SLC30A5: variants seen among roughly 807,000 people sequenced by gnomAD.
SLC30A5 encodes solute carrier family 30 member 5.
SLC30A5 carries 33 observed loss-of-function variants against 79.6 expected under a neutral mutation model. The ratio of observed to expected loss-of-function variants is 0.41; its 90% CI spans 0.31 to 0.55. SLC30A5 has a LOEUF of 0.55. Among genes scored for constraint, SLC30A5 ranks in the 20% least tolerant of loss-of-function variants. The pLI is 0.20. For synonymous variants in SLC30A5, 299 were observed against 319.7 expected, an observed-to-expected ratio of 0.94 and a Z score of 0.69; for missense variants, 788 against 928.1, an observed-to-expected ratio of 0.85 and a Z score of 1.96.
intron 1 of SLC30A5, among the ~76,000 whole-genome samples, chr5:69,095,437 T>TG (rs1745698491): frequency 6.6e-6 from 1 of 152,110 alleles, no homozygotes; most frequent in African/African-American, 2.4e-5. Context: ...CCCGACCTCG[T>TG]GATCGGCCTG....
chr5:69,125,049 C>T (rs1034329448), intron 14 of SLC30A5, among the ~76,000 whole-genome samples: 4 of 152,104 alleles, frequency 2.6e-5, no homozygotes, highest in Admixed American at 6.6e-5. Context: ...ATTTGCAGCA[C>T]ATATAAACAG....
intron 3 of SLC30A5, 52 bp from the exon 4 acceptor site, chr5:69,104,579 A>G (rs1746030032): frequency 3.4e-6 from 5 of 1,466,030 alleles, no homozygotes; most frequent in Non-Finnish European, 4.6e-6. Context: ...ATTTGGATAT[A>G]TAGCAAAATA....
chr5:69,127,227 C>A (rs181247646), intron 14 of SLC30A5, among the ~76,000 whole-genome samples: 1 of 152,138 alleles, frequency 6.6e-6, no homozygotes, highest in African/African-American at 2.4e-5. Flanking sequence ...TAAAGGAGAA[C>A]TTGTAGTTCA....
At chr5:69,095,293 C>T (rs183578440) in intron 1 of SLC30A5, among the ~76,000 whole-genome samples, 2 of 149,336 alleles carry the variant, frequency 1.3e-5, no homozygotes, top group Admixed American at 6.8e-5. Context: ...CTCCGCTTCC[C>T]GGGTTCAAAA....
chr5:69,107,824 C>G (rs906040403), intron 4 of SLC30A5, among the ~76,000 whole-genome samples: 1 of 151,984 alleles, frequency 6.6e-6, no homozygotes, highest in Non-Finnish European at 1.5e-5. Flanking sequence ...CCTCCACCTC[C>G]CGAGTTCAAG....
At chr5:69,113,435 A>G (rs952538267) in intron 6 of SLC30A5, among the ~76,000 whole-genome samples, 3 of 152,206 alleles carry the variant, frequency 2.0e-5, no homozygotes, top group African/African-American at 7.2e-5. Flanking sequence ...TATCACCTAC[A>G]GTACCCTAAA....
rs552159059 is a variant in SLC30A5, at chr5:69,105,551, A to G, written c.359+835A>G. 1.3e-4 allele frequency among the ~76,000 whole-genome samples: 20 copies of G among 152,264 alleles called. No individual in the cohort carries two copies. In the East Asian group the frequency reaches 3.1e-3, roughly 23 times the overall value. On this transcript the variant is annotated intron_variant, in intron 4 of 15. Transcript: ENST00000396591. ...CAAAACCCCGCCTTTATTAAAAAAT[A>G]TACAAAAATTAGCCAGAAATCACTT...
In SLC30A5 at chr5:69,121,914, T is replaced by C. The variant is rs543873070; in HGVS notation, c.1771+19T>C. On this transcript the variant is annotated intron_variant, in intron 13 of 15. Coordinates refer to ENST00000396591, the MANE Select transcript of SLC30A5 (RefSeq NM_022902.5). The stretch of plus-strand genomic sequence containing the variant: ...ATGAGGGGTGAGTCCTTGCAAAATA[T>C]TATCCTACTTTTCAACTGTGTTCTA... 1 of 1,593,946 alleles carries C rather than the reference T, an allele frequency of 6.3e-7. No individual in the cohort carries two copies. Among genetic ancestry groups the C allele is most frequent in the African/African-American group, 1.3e-5 (1 of 74,564 alleles).
Position 69,121,852 on chromosome 5 carries a change from C to A in SLC30A5, c.1728C>A (p.His576Gln). ...GACACAGTGACCATGGGCATGGTCACAGCCACGGATCTGCGGGTGGAGGCA... is the reference window on the plus strand; with the variant it reads ...GACACAGTGACCATGGGCATGGTCAAAGCCACGGATCTGCGGGTGGAGGCA... The part of the protein sequence containing the change: ...MHGHSDHGHG[H>Q]SHGSAGGGMN... Residue 576 changes from histidine to glutamine, a missense_variant, in exon 13 of 16, where the codon CAC becomes CAA. Transcript: ENST00000396591. The A allele has an allele frequency of 6.2e-7, 1 of 1,613,824 alleles. No individual in the cohort carries two copies. The highest frequency in any genetic ancestry group is 8.5e-7 in the Non-Finnish European group (1 of 1,179,918).
intron 13 of SLC30A5, among the ~76,000 whole-genome samples, 195 bp from the exon 14 acceptor site, chr5:69,123,004 G>A (rs1339029467): frequency 2.0e-5 from 3 of 152,146 alleles, no homozygotes; most frequent in South Asian, 2.1e-4. Flanking sequence ...TGTCATGAGT[G>A]CCTATGTCCT....
At chr5:69,102,859 C>CA (rs35509140) in intron 2 of SLC30A5, 9,815 of 133,740 alleles carry the variant, frequency 0.073, 19 homozygotes, top group Middle Eastern at 0.12. Flanking sequence ...GACTCCATCT[C>CA]AAAAAAAAAA....
At chr5:69,121,951 T>C in intron 13 of SLC30A5, 56 bp downstream of exon 13, 1 of 1,382,436 alleles carries the variant, frequency 7.2e-7, no homozygotes, top group South Asian at 1.3e-5. Context: ...ATCAACCCTC[T>C]GTGTTTATTT....
chr5:69,117,831 C>T (rs563362001), intron 11 of SLC30A5, among the ~76,000 whole-genome samples: 20 of 149,068 alleles, frequency 1.3e-4, no homozygotes, highest in South Asian at 6.4e-4. Context: ...GAGCCAAGAT[C>T]GTGCCACTGC....
rs752521696 is a variant in SLC30A5 at position 69,124,232 on chromosome 5, C to CA, written c.1998+818dup. On this transcript the variant is annotated intron_variant, in intron 14 of 15. Coordinates refer to ENST00000396591, the MANE Select transcript of SLC30A5 (RefSeq NM_022902.5). Reference sequence around the variant, plus strand: ...ACCTGGGATTGTTTCCTGGACAGCACAAAAAAAAAAATAGTAACAATAATA... The same window carrying CA: ...ACCTGGGATTGTTTCCTGGACAGCACAAAAAAAAAAAATAGTAACAATAATA... 2.3e-3 allele frequency among the ~76,000 whole-genome samples: 231 copies of CA among 101,610 alleles called. 1 individual carries two copies. Among genetic ancestry groups the CA allele is most frequent in the East Asian group, 7.9e-3 (28 of 3,564 alleles). The allele number at this position is 101,610 out of a possible 152,430, so 66.7% of individuals were successfully genotyped here. A position where few individuals can be genotyped will look rare whatever the true frequency, so the allele number is the denominator to read the frequency against.
intron 10 of SLC30A5, 152 bp from the exon 11 acceptor site, chr5:69,117,087 G>T: frequency 1.8e-6 from 1 of 548,982 alleles, no homozygotes; most frequent in Non-Finnish European, 3.1e-6. Context: ...TTTACAATTT[G>T]TGTGAAATAG....
Position 69,097,116 on chromosome 5 carries a change from T to C in SLC30A5, c.83+2778T>C, listed in dbSNP as rs1488339063. Among the ~76,000 whole-genome samples the C allele has an allele frequency of 2.4e-4, 22 of 90,932 alleles. No individual in the cohort carries two copies. In the East Asian group the frequency reaches 7.5e-3, roughly 31 times the overall value. 59.7% of individuals were successfully genotyped at this position (90,932 alleles called of 152,430 possible). ...TTCCCTTCCTCTCTTTTTCTTTTTT[T>C]TTTTTTTTTTTTTTTTTGAGGCGGA... On this transcript the variant is annotated intron_variant, in intron 1 of 15. Coordinates refer to ENST00000396591, the MANE Select transcript of SLC30A5 (RefSeq NM_022902.5).
intron 5 of SLC30A5, among the ~76,000 whole-genome samples, chr5:69,111,301 C>CT (rs1278967720): frequency 9.0e-6 from 1 of 111,010 alleles, no homozygotes; most frequent in Admixed American, 9.5e-5. Flanking sequence ...CTTTTTTTTT[C>CT]TTTTTCTTTT....
intron 1 of SLC30A5, among the ~76,000 whole-genome samples, chr5:69,100,107 T>A (rs1228280180): frequency 6.6e-6 from 1 of 152,104 alleles, no homozygotes; most frequent in Non-Finnish European, 1.5e-5. Flanking sequence ...TGGCTGGAAT[T>A]ACAGGCACCC....
rs769820055 is a variant in SLC30A5 at position 69,129,559 on chromosome 5, C to T, written c.2240C>T (p.Ala747Val). Reference sequence around the variant, plus strand: ...AGTACTGGATTTCATGATGTTCTGGCTATGACAAAACAAATGGAATCCATG... The same window carrying T: ...AGTACTGGATTTCATGATGTTCTGGTTATGACAAAACAAATGGAATCCATG... ...GLSTGFHDVL[A>V]MTKQMESMKY... Residue 747 changes from alanine to valine, a missense_variant, in exon 16 of 16, where the codon GCT becomes GTT. Around this residue, in one of 3 missense-constraint regions of SLC30A5, gnomAD observed 158 missense variants for 156.2 expected, o/e 1.01. Transcript: ENST00000396591. 1.3e-5 allele frequency: 21 copies of T among 1,613,086 alleles called. No individual in the cohort carries two copies. Among genetic ancestry groups the T allele is most frequent in the Non-Finnish European group, 1.8e-5 (21 of 1,179,598 alleles).
Sources: gnomAD v4.1 joint callset for allele counts (sites outside exome capture counted in the v4.1 genomes callset) on GRCh38, gnomAD v4.1.1 for gene constraint, gnomAD v4.1.1 regional missense constraint, MANE v1.5 for transcripts, NCBI Gene and HGNC (gene_info 2026-07-23, HGNC 2026-07-21) for gene names.